The following MBNL1 variants were observed in gnomAD, a reference collection of about 807,000 sequenced individuals.
The protein encoded by MBNL1 is muscleblind-like protein 1.
In MBNL1, 8 loss-of-function variants were observed where a neutral mutation model predicts 42.2. That is an observed-to-expected ratio of 0.19 (90% CI 0.11 to 0.34). The LOEUF is 0.34. Among genes scored for constraint, MBNL1 ranks in the 10% least tolerant of loss-of-function variants. MBNL1 has a pLI of 1.00. For missense variants in MBNL1, 309 were observed against 495.3 expected, an observed-to-expected ratio of 0.62 and a Z score of 3.57; for synonymous variants, 169 against 173.9, an observed-to-expected ratio of 0.97 and a Z score of 0.22.
intron 2 of MBNL1, among the ~76,000 whole-genome samples, chr3:152,390,630 C>CACAT (rs1235666306): frequency 2.6e-5 from 4 of 151,704 alleles, no homozygotes; most frequent in African/African-American, 9.7e-5. Context: ...CACACACACA[C>CACAT]ACACACACAC....
At chr3:152,295,524 C>G (rs1250054834) in intron 1 of MBNL1, among the ~76,000 whole-genome samples, 1 of 152,038 alleles carries the variant, frequency 6.6e-6, no homozygotes, top group East Asian at 1.9e-4. Flanking sequence ...ACTCATTTAT[C>G]AAACATTTTA....
chr3:152,309,161 C>T (rs1025246929), intron 2 of MBNL1, among the ~76,000 whole-genome samples: 18 of 152,118 alleles, frequency 1.2e-4, no homozygotes, highest in African/African-American at 4.1e-4. Context: ...CCCTCTCTCT[C>T]ACACTATTAA....
intron 1 of MBNL1, among the ~76,000 whole-genome samples, chr3:152,282,850 A>G (rs1263265053): frequency 1.3e-5 from 2 of 152,208 alleles, no homozygotes; most frequent in Non-Finnish European, 2.9e-5. Context: ...CAAGAGAAAT[A>G]GCATCACAAA....
At chr3:152,378,701 T>C (rs1418361327) in intron 2 of MBNL1, among the ~76,000 whole-genome samples, 1 of 152,158 alleles carries the variant, frequency 6.6e-6, no homozygotes, top group African/African-American at 2.4e-5. Context: ...AGTTTTACTT[T>C]TTATCCTTAT....
chr3:152,251,220 C>T (rs1314818447), intron 2 of MBNL1, among the ~76,000 whole-genome samples: 1 of 151,976 alleles, frequency 6.6e-6, no homozygotes, highest in Non-Finnish European at 1.5e-5. Context: ...AGTAAATCAC[C>T]CAGTCTGGAG....
At chr3:152,272,480 C>A (rs1489285179) in intron 1 of MBNL1, among the ~76,000 whole-genome samples, 1 of 151,802 alleles carries the variant, frequency 6.6e-6, no homozygotes, top group East Asian at 1.9e-4. Context: ...ATAAACGAGT[C>A]ACTAAAATTA....
chr3:152,414,859 G>T, intron 2 of MBNL1, 82 bp from the exon 3 acceptor site: 1 of 1,351,110 alleles, frequency 7.4e-7, no homozygotes. Flanking sequence ...ACATTCAAGT[G>T]GGTGGTTTGC....
At chr3:152,446,741 A>C (rs558058447) in intron 5 of MBNL1, 1 of 1,613,904 alleles carries the variant, frequency 6.2e-7, no homozygotes, top group Non-Finnish European at 8.5e-7. Flanking sequence ...CGACCCCTCG[A>C]GGCAACCTTT....
At chr3:152,245,688 T>C (rs1400993587) in intron 2 of MBNL1, among the ~76,000 whole-genome samples, 1 of 152,164 alleles carries the variant, frequency 6.6e-6, no homozygotes, top group Non-Finnish European at 1.5e-5. Context: ...TAGTACCTAG[T>C]TGGTTTTTTG....
intron 2 of MBNL1, among the ~76,000 whole-genome samples, chr3:152,336,924 T>G (rs1056816873): frequency 6.6e-6 from 1 of 152,236 alleles, no homozygotes; most frequent in Non-Finnish European, 1.5e-5. Flanking sequence ...ATAACTGCTT[T>G]TAGGCAATAG....
At chr3:152,344,445 A>G (rs1040070548) in intron 2 of MBNL1, among the ~76,000 whole-genome samples, 1 of 152,188 alleles carries the variant, frequency 6.6e-6, no homozygotes, top group Non-Finnish European at 1.5e-5. Flanking sequence ...ATCAAAAGCC[A>G]GAGACACTGG....
chr3:152,338,217 C>T, intron 2 of MBNL1: 1 of 985,336 alleles, frequency 1.0e-6, no homozygotes, highest in Non-Finnish European at 1.2e-6. Context: ...TCCATTGCTT[C>T]TTGTGTTCTG....
chr3:152,368,162 T>C (rs2096500977), intron 2 of MBNL1, among the ~76,000 whole-genome samples: 1 of 152,210 alleles, frequency 6.6e-6, no homozygotes, highest in Non-Finnish European at 1.5e-5. Flanking sequence ...TTTAAGTCTT[T>C]AATCCATCTT....
rs186708483 is a variant in MBNL1 at position 152,463,197 on chromosome 3, T to G, written c.*831T>G. 4 of 151,496 alleles carry G rather than the reference T, an allele frequency of 2.6e-5. 1 individual carries two copies. The highest frequency in any genetic ancestry group is 2.4e-5 in the African/African-American group (1 of 41,264). 9.4% of individuals were successfully genotyped at this position (151,496 alleles called of 1,614,324 possible). On this transcript the variant is annotated 3_prime_UTR_variant, in exon 10 of 10. Coordinates refer to ENST00000324210, the MANE Select transcript of MBNL1 (RefSeq NM_021038.5). ...AGAAATGGCCAATTTAACTTTACAG[T>G]AACAATAGACAGCACAACACAAACT...
intron 2 of MBNL1, chr3:152,335,059 C>G (rs1266601315): frequency 3.2e-6 from 4 of 1,243,338 alleles, no homozygotes; most frequent in African/African-American, 1.5e-5. Flanking sequence ...GCTAATATTG[C>G]TGGGAAGGAA....
intron 2 of MBNL1, among the ~76,000 whole-genome samples, chr3:152,398,082 A>G (rs1215477380): frequency 2.0e-5 from 3 of 152,236 alleles, no homozygotes; most frequent in Non-Finnish European, 4.4e-5. Flanking sequence ...ATGCATTGTA[A>G]ATTCAGAGCC....
chr3:152,274,663 T>G (rs901050257), intron 1 of MBNL1, among the ~76,000 whole-genome samples: 11 of 152,202 alleles, frequency 7.2e-5, no homozygotes, highest in African/African-American at 2.7e-4. Flanking sequence ...ATTTTCCATA[T>G]GTTTATAGAT....
intron 2 of MBNL1, among the ~76,000 whole-genome samples, chr3:152,342,553 A>AACACACACACACAAACAC (rs1553851233): frequency 2.1e-4 from 31 of 146,110 alleles, no homozygotes; most frequent in African/African-American, 7.2e-4. Flanking sequence ...AACTAAACAA[A>AACACACACACACAAACAC]ACACACACAC....
intron 6 of MBNL1, among the ~76,000 whole-genome samples, chr3:152,450,036 C>T (rs893340475): frequency 3.6e-5 from 5 of 140,790 alleles, no homozygotes; most frequent in East Asian, 2.3e-4. Context: ...ACCTGGGAGG[C>T]GGAGCAGTGA....
Sources: gnomAD v4.1 joint callset for allele counts (sites outside exome capture counted in the v4.1 genomes callset) on GRCh38, gnomAD v4.1.1 for gene constraint, MANE v1.5 for transcripts, NCBI Gene and HGNC (gene_info 2026-07-23, HGNC 2026-07-21) for gene names.